NPAS3: variants seen among roughly 807,000 people sequenced by gnomAD.
The protein encoded by NPAS3 is neuronal PAS domain protein 3, also known as neuronal PAS domain-containing protein 3.
NPAS3 carries 14 observed loss-of-function variants against 73.1 expected under a neutral mutation model. The observed-to-expected ratio is 0.19, with a 90% CI of 0.13 to 0.30. The LOEUF (loss-of-function observed/expected upper bound fraction) is 0.30. NPAS3 is among the 10% of genes least tolerant of loss of function. NPAS3 has a pLI of 1.00. For synonymous variants in NPAS3, 620 were observed against 541.5 expected (o/e 1.14, Z -2.01); for missense variants, 1,096 against 1,250.0 (o/e 0.88, Z 1.86).
At chr14:33,744,441 T>C (rs1177601265) in intron 7 of NPAS3, among the ~76,000 whole-genome samples, 3 of 152,094 alleles carry the variant, frequency 2.0e-5, no homozygotes, top group Non-Finnish European at 4.4e-5. Flanking sequence ...AAAACAATTA[T>C]AACAGTAATA....
chr14:33,346,294 C>T (rs891220208), intron 3 of NPAS3, among the ~76,000 whole-genome samples: 7 of 150,498 alleles, frequency 4.7e-5, no homozygotes, highest in African/African-American at 1.7e-4. Context: ...TTTGGGAGGC[C>T]AAGGTGGGGG....
intron 2 of NPAS3, among the ~76,000 whole-genome samples, chr14:33,095,500 T>G (rs1055239479): frequency 6.6e-6 from 1 of 152,122 alleles, no homozygotes; most frequent in African/African-American, 2.4e-5. Context: ...AACAGAGATC[T>G]GAAAGAACTT....
chr14:33,378,706 A>G (rs1047334447), intron 4 of NPAS3, among the ~76,000 whole-genome samples: 2 of 152,176 alleles, frequency 1.3e-5, no homozygotes, highest in Admixed American at 6.5e-5. Context: ...TTCACTTCTC[A>G]ATGACTCACG....
chr14:33,453,122 C>T (rs1261533629), intron 4 of NPAS3, among the ~76,000 whole-genome samples: 1 of 152,156 alleles, frequency 6.6e-6, no homozygotes, highest in Non-Finnish European at 1.5e-5. Flanking sequence ...CAAGCTCACC[C>T]TTGTTCAGGT....
At chr14:33,787,347 A>C (rs2063208514) in intron 9 of NPAS3, among the ~76,000 whole-genome samples, 1 of 152,206 alleles carries the variant, frequency 6.6e-6, no homozygotes, top group South Asian at 2.1e-4. Context: ...AGTTTTCTGC[A>C]TGATTCAATA....
chr14:33,713,378 T>A (rs2060875571), intron 6 of NPAS3, among the ~76,000 whole-genome samples: 1 of 152,246 alleles, frequency 6.6e-6, no homozygotes, highest in South Asian at 2.1e-4. Flanking sequence ...CACAGCCATG[T>A]CCAGATGAAG....
At position 33,666,499 on chromosome 14, in the gene NPAS3, G is replaced by C. The variant is rs142144155; in HGVS notation, c.559-9712G>C. The stretch of plus-strand genomic sequence containing the variant: ...AGCTTCCCAAAAATGCAGAATGTTG[G>C]CCCCTACCCCAGATCTCTGGAGCCA... On this transcript the variant is annotated intron_variant, in intron 5 of 11. Transcript: ENST00000356141. 6.7e-3 allele frequency among the ~76,000 whole-genome samples: 1,016 copies of C among 152,272 alleles called. 10 individuals are homozygous for C. The highest frequency in any genetic ancestry group is 0.023 in the African/African-American group (961 of 41,566).
At chr14:33,190,063 C>T (rs747239305) in intron 2 of NPAS3, among the ~76,000 whole-genome samples, 2 of 152,126 alleles carry the variant, frequency 1.3e-5, no homozygotes, top group Non-Finnish European at 2.9e-5. Flanking sequence ...TACTGACACA[C>T]TCCTATAATA....
chr14:33,161,480 A>G (rs1328382908), intron 2 of NPAS3, among the ~76,000 whole-genome samples: 1 of 152,210 alleles, frequency 6.6e-6, no homozygotes, highest in African/African-American at 2.4e-5. Flanking sequence ...ACTGTCTTCT[A>G]ATCAACAAAA....
chr14:33,182,467 CAAACTT>C (rs2045830996), intron 2 of NPAS3, among the ~76,000 whole-genome samples: 1 of 152,072 alleles, frequency 6.6e-6, no homozygotes, highest in Non-Finnish European at 1.5e-5. Context: ...ACCCCTAAAA[CAAACTT>C]AAAGGTTGTA....
At chr14:33,154,129 A>G (rs1463366221) in intron 2 of NPAS3, among the ~76,000 whole-genome samples, 2 of 152,054 alleles carry the variant, frequency 1.3e-5, no homozygotes, top group African/African-American at 2.4e-5. Context: ...TGCTGCTACT[A>G]TGTCCTAATT....
chr14:33,089,095 TC>T (rs1420530701), intron 2 of NPAS3, among the ~76,000 whole-genome samples: 3 of 151,076 alleles, frequency 2.0e-5, no homozygotes, highest in Admixed American at 6.6e-5. Flanking sequence ...AGAGTGCCTC[TC>T]CCCCTCCAAA....
At position 33,189,862 on chromosome 14, in the gene NPAS3, C is replaced by T. The variant is rs577277451; in HGVS notation, c.141-25320C>T. Among the ~76,000 whole-genome samples the T allele has an allele frequency of 1.3e-3, 192 of 152,206 alleles. 6 individuals carry two copies. Among genetic ancestry groups the T allele is most frequent in the Admixed American group, 0.012 (188 of 15,288 alleles). On this transcript the variant is annotated intron_variant, in intron 2 of 11. Coordinates refer to ENST00000356141, the Ensembl canonical transcript of NPAS3. ...AAGCAAAAAAGGAATACAAATGCAA[C>T]TTTTTCATTATCGATACATATAAGT... is the stretch of plus-strand genomic sequence containing the variant.
intron 1 of NPAS3, 52 bp from the exon 2 acceptor site, chr14:33,055,853 T>G (rs1240594774): frequency 1.3e-6 from 1 of 766,920 alleles, no homozygotes; most frequent in Non-Finnish European, 2.3e-6. Flanking sequence ...TGCATTCCAG[T>G]TGACTGTAGA....
intron 3 of NPAS3, among the ~76,000 whole-genome samples, chr14:33,308,200 G>A (rs1395988127): frequency 3.9e-5 from 6 of 152,056 alleles, no homozygotes; most frequent in Non-Finnish European, 5.9e-5. Context: ...GGAAAGGTCA[G>A]GGAAATCCTT....
intron 2 of NPAS3, among the ~76,000 whole-genome samples, chr14:33,070,209 CT>C (rs2041435614): frequency 1.3e-5 from 2 of 152,058 alleles, no homozygotes; most frequent in Admixed American, 1.3e-4. Context: ...GAAATTACTC[CT>C]CCTTGTTTAT....
intron 2 of NPAS3, among the ~76,000 whole-genome samples, chr14:33,173,545 A>C (rs2045474745): frequency 6.6e-6 from 1 of 152,198 alleles, no homozygotes; most frequent in Non-Finnish European, 1.5e-5. Context: ...GCAACATGTC[A>C]GCTATTTGAA....
rs557962028 is a variant in NPAS3 at position 33,335,301 on chromosome 14, T to C, written c.386-31885T>C. 5.3e-5 allele frequency among the ~76,000 whole-genome samples: 8 copies of C among 152,228 alleles called. No individual in the cohort carries two copies. The East Asian group carries it at 1.5e-3, about 29-fold the overall frequency. Reference sequence around the variant, plus strand: ...ATTCTTATAGTGATGGACTGCAGGATCAGGTTTAAAATGGCATGGGCTAGG... The same window carrying C: ...ATTCTTATAGTGATGGACTGCAGGACCAGGTTTAAAATGGCATGGGCTAGG... On this transcript the variant is annotated intron_variant, in intron 3 of 11. Transcript: ENST00000356141.
At chr14:33,627,046 T>A (rs940206110) in intron 5 of NPAS3, among the ~76,000 whole-genome samples, 1 of 152,022 alleles carries the variant, frequency 6.6e-6, no homozygotes, top group Non-Finnish European at 1.5e-5. Context: ...ATATGCATTA[T>A]TGTCACATAA....
Sources: allele counts gnomAD v4.1 joint callset (sites outside exome capture counted in the v4.1 genomes callset), GRCh38; gene constraint gnomAD v4.1.1; transcripts MANE v1.5; gene names NCBI Gene and HGNC (gene_info 2026-07-23, HGNC 2026-07-21).